The following CCSER1 variants were observed in gnomAD, a reference collection of about 807,000 sequenced individuals.
CCSER1 encodes coiled-coil serine rich protein 1, also known as serine-rich coiled-coil domain-containing protein 1.
In CCSER1, 41 loss-of-function variants were observed where a neutral mutation model predicts 82.0. The ratio of observed to expected loss-of-function variants is 0.50; its 90% confidence interval spans 0.39 to 0.65. The LOEUF is 0.65. Among genes scored for constraint, CCSER1 ranks in the 30% least tolerant of loss-of-function variants. CCSER1 has a pLI of 0.00. For synonymous variants in CCSER1, 414 were observed against 383.9 expected, an observed-to-expected ratio of 1.08 and a Z score of -0.92; for missense variants, 1,119 against 1,064.2, an observed-to-expected ratio of 1.05 and a Z score of -0.72.
At chr4:90,469,524 AACACACAC>A (rs3971380) in intron 5 of CCSER1, among the ~76,000 whole-genome samples, 298 of 136,424 alleles carry the variant, frequency 2.2e-3, no homozygotes, top group African/African-American at 6.4e-3. Flanking sequence ...TTTCCTGCAA[AACACACAC>A]ACACACACAC....
chr4:91,159,195 C>A (rs554766403), intron 10 of CCSER1, among the ~76,000 whole-genome samples: 1 of 152,022 alleles, frequency 6.6e-6, no homozygotes, highest in East Asian at 1.9e-4. Context: ...TTATAGTTTT[C>A]ATACTTTGGA....
rs539682447 is a variant in CCSER1 at position 90,621,793 on chromosome 4, T to C, written c.1725-6232T>C. On this transcript the variant is annotated intron_variant, in intron 5 of 10. Coordinates refer to ENST00000509176, the MANE Select transcript of CCSER1 (RefSeq NM_001145065.2). ...TTTACTAGTAGGATCAAGTGAATTTTTGAGCCTTTTTAAAGTTTGGAACTC... is the reference window on the plus strand; with the variant it reads ...TTTACTAGTAGGATCAAGTGAATTTCTGAGCCTTTTTAAAGTTTGGAACTC... Among the ~76,000 whole-genome samples the C allele has an allele frequency of 1.7e-4, 26 of 152,334 alleles. No homozygotes were observed. In the South Asian group the frequency reaches 5.0e-3, roughly 29 times the overall value.
At chr4:90,946,204 T>C (rs1051722326) in intron 9 of CCSER1, among the ~76,000 whole-genome samples, 1 of 152,234 alleles carries the variant, frequency 6.6e-6, no homozygotes, top group African/African-American at 2.4e-5. Context: ...TAATTTTAAG[T>C]CCTCGAAGAG....
chr4:90,794,759 A>G (rs1755760837), intron 7 of CCSER1, among the ~76,000 whole-genome samples: 2 of 152,218 alleles, frequency 1.3e-5, no homozygotes, highest in South Asian at 2.1e-4. Context: ...TGCTTTGGGC[A>G]CTATGGCTAT....
intron 8 of CCSER1, among the ~76,000 whole-genome samples, chr4:90,869,852 CA>C (rs1288762386): frequency 1.3e-5 from 2 of 151,724 alleles, no homozygotes; most frequent in Non-Finnish European, 2.9e-5. Flanking sequence ...AATATCTTTT[CA>C]TTTTTTTGTT....
chr4:91,496,200 T>C (rs1289920227), intron 10 of CCSER1, among the ~76,000 whole-genome samples: 1 of 151,372 alleles, frequency 6.6e-6, no homozygotes, highest in Non-Finnish European at 1.5e-5. Flanking sequence ...AAGTAAGAGA[T>C]GAAACAAAAT....
intron 6 of CCSER1, among the ~76,000 whole-genome samples, chr4:90,687,786 A>G (rs1163700168): frequency 3.9e-5 from 6 of 152,152 alleles, no homozygotes; most frequent in African/African-American, 1.4e-4. Context: ...AGGAAGGACT[A>G]ATATAAAATG....
chr4:90,803,119 A>C (rs1245927683), intron 7 of CCSER1, among the ~76,000 whole-genome samples: 1 of 152,190 alleles, frequency 6.6e-6, no homozygotes, highest in Non-Finnish European at 1.5e-5. Context: ...GAGAAGCCAA[A>C]AATTATGTTC....
chr4:90,475,023 A>T (rs1336590686), intron 5 of CCSER1, among the ~76,000 whole-genome samples: 1 of 152,134 alleles, frequency 6.6e-6, no homozygotes, highest in African/African-American at 2.4e-5. Context: ...GTTGAGTATT[A>T]TATCAGTTGA....
intron 10 of CCSER1, among the ~76,000 whole-genome samples, chr4:91,180,891 G>T (rs1733955754): frequency 1.3e-5 from 2 of 152,044 alleles, no homozygotes; most frequent in Non-Finnish European, 2.9e-5. Context: ...TTAACTGAAA[G>T]TATCCCTTAA....
intron 5 of CCSER1, among the ~76,000 whole-genome samples, chr4:90,615,322 T>G (rs1720986074): frequency 6.6e-6 from 1 of 152,148 alleles, no homozygotes; most frequent in Non-Finnish European, 1.5e-5. Flanking sequence ...TCTTCATATT[T>G]AAGAAATACA....
chr4:91,494,920 C>G (rs1300593050), intron 10 of CCSER1, among the ~76,000 whole-genome samples: 1 of 151,644 alleles, frequency 6.6e-6, no homozygotes, highest in East Asian at 1.9e-4. Context: ...TTCTACGCAG[C>G]ATTCCATAGG....
intron 10 of CCSER1, among the ~76,000 whole-genome samples, chr4:91,188,791 T>C (rs1471976939): frequency 1.3e-5 from 2 of 152,176 alleles, no homozygotes; most frequent in Admixed American, 1.3e-4. Context: ...TGAGAAAATG[T>C]AGACATAGCA....
intron 10 of CCSER1, among the ~76,000 whole-genome samples, chr4:91,564,698 G>A (rs766040883): frequency 2.6e-5 from 4 of 151,862 alleles, no homozygotes; most frequent in African/African-American, 9.7e-5. Context: ...CTTTAGAGAA[G>A]TGTTTGTTCA....
At chr4:91,187,959 T>C (rs773859880) in intron 10 of CCSER1, among the ~76,000 whole-genome samples, 1 of 152,146 alleles carries the variant, frequency 6.6e-6, no homozygotes, top group African/African-American at 2.4e-5. Flanking sequence ...TTTTTTTTGT[T>C]AAATGTTGCT....
chr4:90,699,430 AATGGGCAG>A (rs761043725), intron 6 of CCSER1, among the ~76,000 whole-genome samples: 1 of 152,198 alleles, frequency 6.6e-6, no homozygotes, highest in Non-Finnish European at 1.5e-5. Context: ...AAGCAATGTT[AATGGGCAG>A]TTGAATCAAT....
chr4:91,468,254 A>C (rs6822287), intron 10 of CCSER1, among the ~76,000 whole-genome samples: 105,867 of 151,878 alleles, frequency 0.7, 37,208 homozygotes, highest in East Asian at 0.89. Flanking sequence ...TCGCAAGGAC[A>C]AAAAAACCAA....
At chr4:90,802,657 T>C (rs1756989284) in intron 7 of CCSER1, among the ~76,000 whole-genome samples, 1 of 152,166 alleles carries the variant, frequency 6.6e-6, no homozygotes, top group South Asian at 2.1e-4. Flanking sequence ...CTTAACCTTG[T>C]TTTCAGTATT....
At chr4:91,341,632 T>C (rs1438394406) in intron 10 of CCSER1, among the ~76,000 whole-genome samples, 1 of 152,038 alleles carries the variant, frequency 6.6e-6, no homozygotes, top group African/African-American at 2.4e-5. Flanking sequence ...GCTCACTGCC[T>C]CCAGGTTCAA....
Sources: allele counts gnomAD v4.1 joint callset (sites outside exome capture counted in the v4.1 genomes callset), GRCh38; gene constraint gnomAD v4.1.1; transcripts MANE v1.5; gene names NCBI Gene and HGNC (gene_info 2026-07-23, HGNC 2026-07-21).